MDGA1: variants seen among roughly 807,000 people sequenced by gnomAD.
The protein encoded by MDGA1 is MAM domain-containing glycosylphosphatidylinositol anchor protein 1.
Under a neutral mutation model 101.5 loss-of-function variants are expected in MDGA1, and 54 were observed. The ratio of observed to expected loss-of-function variants is 0.53; its 90% CI spans 0.43 to 0.67. The LOEUF (loss-of-function observed/expected upper bound fraction) is 0.67. Ranked by LOEUF, MDGA1 falls within the 30% of genes least tolerant of loss-of-function variation. The pLI is 0.00. For missense variants in MDGA1, 1,083 were observed against 1,323.8 expected, an observed-to-expected ratio of 0.82 and a Z score of 2.82; for synonymous variants, 533 against 558.3, an observed-to-expected ratio of 0.95 and a Z score of 0.64.
At chr6:37,641,830 T>G (rs1764089283) in intron 14 of MDGA1, 1 of 152,122 alleles carries the variant, frequency 6.6e-6, no homozygotes, top group Non-Finnish European at 1.5e-5. Flanking sequence ...TCTTATGAAG[T>G]CCAGACCCAG....
chr6:37,639,459 C>A, intron 14 of MDGA1: 1 of 152,506 alleles, frequency 6.6e-6, no homozygotes, highest in Non-Finnish European at 1.5e-5. Flanking sequence ...TGCTCAGTCT[C>A]CTTTGAGGCT....
intron 1 of MDGA1, among the ~76,000 whole-genome samples, chr6:37,665,486 A>G (rs1761728805): frequency 6.6e-6 from 1 of 152,230 alleles, no homozygotes; most frequent in Admixed American, 6.5e-5. Flanking sequence ...CACTTAAAGA[A>G]TAAGCTATGT....
Position 37,638,137 on chromosome 6 carries a change from A to G in MDGA1, c.2776+68T>C, listed in dbSNP as rs1317996172. On this transcript the variant is annotated intron_variant, in intron 16 of 16. Coordinates refer to ENST00000434837, the MANE Select transcript of MDGA1 (RefSeq NM_153487.4). This position sits in a 1 kb window ranked among gnomAD's most constrained non-coding sequence, Gnocchi z 4.8. ...TCAGACCCAAACACCCTCCCTCAACAGACAGGAACCCCCGCCACGCACAGC... is the reference window on the plus strand; with the variant it reads ...TCAGACCCAAACACCCTCCCTCAACGGACAGGAACCCCCGCCACGCACAGC... The G allele has an allele frequency of 7.5e-7, 1 of 1,340,404 alleles. No homozygotes were observed. Among genetic ancestry groups the G allele is most frequent in the Non-Finnish European group, 1.1e-6 (1 of 938,894 alleles). 83.0% of individuals were successfully genotyped at this position (1,340,404 alleles called of 1,614,324 possible).
chr6:37,656,661 C>T (rs997257868), intron 3 of MDGA1, among the ~76,000 whole-genome samples: 1 of 152,248 alleles, frequency 6.6e-6, no homozygotes, highest in Non-Finnish European at 1.5e-5. Flanking sequence ...GTGTGAACCA[C>T]TGCATCCGGC....
intron 1 of MDGA1, among the ~76,000 whole-genome samples, chr6:37,694,936 A>G (rs1581638746): frequency 6.6e-6 from 1 of 151,966 alleles, no homozygotes; most frequent in East Asian, 1.9e-4. Context: ...TCCTGGCCCT[A>G]GAGTACTCTG....
intron 2 of MDGA1, among the ~76,000 whole-genome samples, chr6:37,662,450 C>T (rs1235973276): frequency 2.0e-5 from 3 of 152,080 alleles, no homozygotes; most frequent in East Asian, 3.9e-4. Context: ...GCCTGGGTAA[C>T]ATAGGGACAC....
rs1174119572 is a variant in MDGA1, at chr6:37,636,477, T to C, written c.*891A>G. 6.6e-6 allele frequency: 1 copy of C among 152,232 alleles called. No individual in the cohort carries two copies. Among genetic ancestry groups the C allele is most frequent in the Non-Finnish European group, 1.5e-5 (1 of 68,058 alleles). 9.4% of individuals were successfully genotyped at this position (152,232 alleles called of 1,614,324 possible). ...ACAGAAGCGGGACGTCTCTTCTGCC[T>C]TTCTCCAAGTCAAGCCTCACCCCAG... is the stretch of plus-strand genomic sequence containing the variant. On this transcript the variant is annotated 3_prime_UTR_variant, in exon 17 of 17. Coordinates refer to ENST00000434837, the MANE Select transcript of MDGA1 (RefSeq NM_153487.4).
intron 1 of MDGA1, among the ~76,000 whole-genome samples, chr6:37,687,037 T>C (rs1460658896): frequency 3.9e-5 from 6 of 152,128 alleles, no homozygotes; most frequent in Non-Finnish European, 8.8e-5. Flanking sequence ...GGACTTTGCA[T>C]TGGGCAGTCT....
intron 1 of MDGA1, 186 bp from the exon 2 acceptor site, chr6:37,664,292 GC>G: frequency 1.5e-6 from 1 of 653,372 alleles, no homozygotes; most frequent in Non-Finnish European, 2.6e-6. Context: ...AACCAGGCGG[GC>G]CAGGAACTCA....
chr6:37,663,252 G>A (rs1001712374), intron 2 of MDGA1, among the ~76,000 whole-genome samples: 2 of 152,074 alleles, frequency 1.3e-5, no homozygotes, highest in African/African-American at 4.8e-5. Flanking sequence ...CATACACTTC[G>A]ACGGTGACAA....
At chr6:37,658,968 C>CAAAAAAAAAAA (rs34087406) in intron 2 of MDGA1, among the ~76,000 whole-genome samples, 2 of 109,466 alleles carry the variant, frequency 1.8e-5, no homozygotes, top group African/African-American at 4.1e-5. Flanking sequence ...AAGACTGTTT[C>CAAAAAAAAAAA]AAAAAAAAAA....
chr6:37,682,885 G>A (rs1762126396), intron 1 of MDGA1, among the ~76,000 whole-genome samples: 1 of 152,204 alleles, frequency 6.6e-6, no homozygotes, highest in Non-Finnish European at 1.5e-5. Context: ...GACTCATGAG[G>A]CTCAGGTATA....
intron 2 of MDGA1, 100 bp downstream of exon 2, chr6:37,663,867 T>A (rs1761680973): frequency 1.5e-6 from 2 of 1,331,160 alleles, no homozygotes; most frequent in Non-Finnish European, 2.1e-6. Context: ...CATGCTGCGG[T>A]GCATCGTGAG....
intron 2 of MDGA1, among the ~76,000 whole-genome samples, chr6:37,658,827 C>T (rs1761555688): frequency 6.6e-6 from 1 of 151,984 alleles, no homozygotes. Context: ...AAAAATTAGC[C>T]GGGCGTTATG....
In MDGA1 at chr6:37,633,485, G is replaced by A. The variant is rs1396115493; in HGVS notation, c.*3883C>T. ...GGAAACCAAGAGGATGAGCACATGA[G>A]AACATGCTGACCTTCACTCCTAGCC... On this transcript the variant is annotated 3_prime_UTR_variant, in exon 17 of 17. Transcript: ENST00000434837. The A allele has an allele frequency of 6.6e-6, 1 of 152,292 alleles. No individual in the cohort carries two copies. The highest frequency in any genetic ancestry group is 2.4e-5 in the African/African-American group (1 of 41,458). 9.4% of individuals were successfully genotyped at this position (152,292 alleles called of 1,614,324 possible).
At chr6:37,678,343 C>G (rs371898227) in intron 1 of MDGA1, among the ~76,000 whole-genome samples, 1 of 152,130 alleles carries the variant, frequency 6.6e-6, no homozygotes, top group Non-Finnish European at 1.5e-5. Context: ...CTGCCCCCTG[C>G]GATGCCACCC....
intron 2 of MDGA1, among the ~76,000 whole-genome samples, chr6:37,662,482 A>T (rs1349518289): frequency 6.6e-6 from 1 of 151,950 alleles, no homozygotes; most frequent in Non-Finnish European, 1.5e-5. Context: ...AAAAACAATT[A>T]AAAATGATCC....
intron 1 of MDGA1, among the ~76,000 whole-genome samples, chr6:37,674,914 G>A (rs570843884): frequency 1.3e-5 from 2 of 152,314 alleles, no homozygotes; most frequent in East Asian, 3.9e-4. Flanking sequence ...AAAATTAGCT[G>A]AGTGTGGTGG....
intron 1 of MDGA1, among the ~76,000 whole-genome samples, chr6:37,666,520 G>A (rs1483337560): frequency 2.6e-5 from 4 of 152,114 alleles, no homozygotes; most frequent in South Asian, 2.1e-4. Context: ...AGTGACAGGC[G>A]CCTTCCTTCT....
Sources: allele counts gnomAD v4.1 joint callset (sites outside exome capture counted in the v4.1 genomes callset), GRCh38; gene constraint gnomAD v4.1.1; non-coding constraint Gnocchi (gnomAD v3.1); transcripts MANE v1.5; gene names NCBI Gene and HGNC (gene_info 2026-07-23, HGNC 2026-07-21).